PDCL2: variants seen among roughly 807,000 people sequenced by gnomAD.
The protein encoded by PDCL2 is phosducin-like protein 2.
Under a neutral mutation model 30.3 loss-of-function variants are expected in PDCL2, and 23 were observed. That is an observed-to-expected ratio of 0.76 (90% CI 0.55 to 1.08). PDCL2 has a LOEUF of 1.08. PDCL2 is among the 50% of genes least tolerant of loss of function. The pLI is 0.00. For synonymous variants in PDCL2, 68 were observed against 86.2 expected, an observed-to-expected ratio of 0.79 and a Z score of 1.17; for missense variants, 243 against 282.3, an observed-to-expected ratio of 0.86 and a Z score of 1.00.
Position 55,576,696 on chromosome 4 carries a change from C to T in PDCL2, c.218+4125G>A, listed in dbSNP as rs568034674. On this transcript the variant is annotated intron_variant, in intron 3 of 5. Transcript: ENST00000295645. ...ATGGTACACTAGAAAAATCAGCTAACTGTGAAAAGAAAGCAGTAATGGAAG... is the reference window on the plus strand; with the variant it reads ...ATGGTACACTAGAAAAATCAGCTAATTGTGAAAAGAAAGCAGTAATGGAAG... Among the ~76,000 whole-genome samples, 165 of 152,174 alleles carry T rather than the reference C, an allele frequency of 1.1e-3. 1 individual carries two copies. In the South Asian group the frequency reaches 0.017, roughly 16 times the overall value.
intron 4 of PDCL2, among the ~76,000 whole-genome samples, chr4:55,567,554 T>C (rs892175738): frequency 6.6e-6 from 1 of 152,000 alleles, no homozygotes; most frequent in Non-Finnish European, 1.5e-5. Context: ...AAAGAGAGAA[T>C]CACAACCTAC....
At chr4:55,580,583 T>C (rs1283121031) in intron 3 of PDCL2, among the ~76,000 whole-genome samples, 1 of 152,206 alleles carries the variant, frequency 6.6e-6, no homozygotes, top group Non-Finnish European at 1.5e-5. Flanking sequence ...GTATGTAGCT[T>C]GATGAAGTTA....
At chr4:55,575,143 T>A (rs1732530979) in intron 3 of PDCL2, among the ~76,000 whole-genome samples, 2 of 152,182 alleles carry the variant, frequency 1.3e-5, no homozygotes, top group Non-Finnish European at 1.5e-5. Flanking sequence ...AGAATTGAAA[T>A]GAATTGTAGA....
chr4:55,587,627 C>T (rs1236399030), intron 1 of PDCL2, among the ~76,000 whole-genome samples: 2 of 151,244 alleles, frequency 1.3e-5, no homozygotes, highest in Admixed American at 6.6e-5. Context: ...GGAGCAATCT[C>T]GGCTCACTGA....
intron 3 of PDCL2, among the ~76,000 whole-genome samples, chr4:55,576,009 G>C (rs910139349): frequency 6.6e-6 from 1 of 152,064 alleles, no homozygotes; most frequent in Non-Finnish European, 1.5e-5. Flanking sequence ...ACATGGTGAA[G>C]TTAACTACAT....
intron 5 of PDCL2, among the ~76,000 whole-genome samples, chr4:55,557,853 C>T (rs755409251): frequency 6.0e-5 from 9 of 151,036 alleles, no homozygotes; most frequent in Non-Finnish European, 1.0e-4. Flanking sequence ...CACCTGTAAT[C>T]GCAGCACTTC....
chr4:55,592,222 G>T lies in PDCL2; in HGVS notation c.-113C>A. The T allele has an allele frequency of 6.8e-7, 1 of 1,477,780 alleles. No individual in the cohort carries two copies. The highest frequency in any genetic ancestry group is 9.2e-7 in the Non-Finnish European group (1 of 1,088,702). The allele number at this position is 1,477,780 out of a possible 1,614,324, so 91.5% of individuals were successfully genotyped here. On this transcript the variant is annotated 5_prime_UTR_variant, in exon 1 of 6. Coordinates refer to ENST00000295645, the MANE Select transcript of PDCL2 (RefSeq NM_152401.3). Reference sequence around the variant, plus strand: ...GAAGAGCGCCCGCTTCAGGCCCGGCGGTTTCGAGTGACCGCCAGAAGAGGG... The same window carrying T: ...GAAGAGCGCCCGCTTCAGGCCCGGCTGTTTCGAGTGACCGCCAGAAGAGGG...
At chr4:55,570,403 A>G (rs1732390866) in intron 3 of PDCL2, among the ~76,000 whole-genome samples, 2 of 152,208 alleles carry the variant, frequency 1.3e-5, no homozygotes, top group South Asian at 2.1e-4. Flanking sequence ...ATATAGATTT[A>G]TTATAGACAG....
Position 55,584,381 on chromosome 4 carries a change from C to T in PDCL2, c.7-2144G>A, listed in dbSNP as rs201083348. Among the ~76,000 whole-genome samples the T allele has an allele frequency of 3.2e-4, 48 of 152,110 alleles. 1 individual carries two copies. In the East Asian group the frequency reaches 4.6e-3, roughly 15 times the overall value. On this transcript the variant is annotated intron_variant, in intron 1 of 5. Coordinates refer to ENST00000295645, the MANE Select transcript of PDCL2 (RefSeq NM_152401.3). ...AAGTGATTCTCCTGCCTCAGCCTCC[C>T]GAGTAGCTGGGACTACAGGTGCCTA...
intron 1 of PDCL2, among the ~76,000 whole-genome samples, chr4:55,589,351 C>T (rs952692833): frequency 2.0e-5 from 3 of 152,274 alleles, no homozygotes; most frequent in African/African-American, 7.2e-5. Flanking sequence ...AGACATCTTC[C>T]TCTACAGAGG....
intron 4 of PDCL2, among the ~76,000 whole-genome samples, chr4:55,568,213 T>C (rs564670209): frequency 1.3e-5 from 2 of 152,296 alleles, no homozygotes; most frequent in East Asian, 1.9e-4. Flanking sequence ...GTTCCTAGAA[T>C]GGTTTATAGC....
At chr4:55,579,231 TTCA>T (rs1335011375) in intron 3 of PDCL2, among the ~76,000 whole-genome samples, 2 of 152,206 alleles carry the variant, frequency 1.3e-5, no homozygotes, top group African/African-American at 4.8e-5. Flanking sequence ...ATGCTTCATA[TTCA>T]TATTATACTT....
chr4:55,581,313 G>A (rs1018193986), intron 2 of PDCL2, among the ~76,000 whole-genome samples: 8 of 151,620 alleles, frequency 5.3e-5, no homozygotes, highest in Non-Finnish European at 1.0e-4. Context: ...AAACAAAAAA[G>A]AGTATCTTTA....
intron 1 of PDCL2, among the ~76,000 whole-genome samples, chr4:55,589,111 G>A (rs112415389): frequency 3.9e-5 from 6 of 152,016 alleles, no homozygotes; most frequent in Non-Finnish European, 8.8e-5. Context: ...CGCCCACCTC[G>A]GCCTCCCAAA....
chr4:55,592,079 T>G, intron 1 of PDCL2, 25 bp downstream of exon 1: 1 of 1,608,846 alleles, frequency 6.2e-7, no homozygotes, highest in Non-Finnish European at 8.5e-7. Flanking sequence ...TGTTCCAGGG[T>G]GGCTCGGCAG....
intron 3 of PDCL2, among the ~76,000 whole-genome samples, chr4:55,580,188 T>C (rs2130035): frequency 0.98 from 149,750 of 152,320 alleles, 73,662 homozygotes; most frequent in East Asian, 1. Flanking sequence ...ATTCCTGCAA[T>C]CAATACTACT....
At chr4:55,569,666 ATG>A (rs1333196022) in intron 4 of PDCL2, 50 bp downstream of exon 4, 1 of 1,383,340 alleles carries the variant, frequency 7.2e-7, no homozygotes, top group East Asian at 2.5e-5. Context: ...AACCAAAAAT[ATG>A]TCTTTTAAAA....
At position 55,584,189 on chromosome 4, in the gene PDCL2, T is replaced by A. The variant is rs184315327; in HGVS notation, c.7-1952A>T. ...ATTATAAATGGGATTATTTTCTTGATTTCTTTCTCTGATAGTTCATTGTTA... is the reference window on the plus strand; with the variant it reads ...ATTATAAATGGGATTATTTTCTTGAATTCTTTCTCTGATAGTTCATTGTTA... On this transcript the variant is annotated intron_variant, in intron 1 of 5. Coordinates refer to ENST00000295645, the MANE Select transcript of PDCL2 (RefSeq NM_152401.3). Among the ~76,000 whole-genome samples, 500 of 152,326 alleles carry A rather than the reference T, an allele frequency of 3.3e-3. 1 individual carries two copies. The highest frequency in any genetic ancestry group is 3.5e-3 in the Non-Finnish European group (238 of 68,030).
chr4:55,557,181 A>G (rs777188401), intron 5 of PDCL2, among the ~76,000 whole-genome samples: 1 of 152,230 alleles, frequency 6.6e-6, no homozygotes, highest in Non-Finnish European at 1.5e-5. Context: ...GTGCTACAAT[A>G]TCAAAATACA....
Sources: allele counts gnomAD v4.1 joint callset (sites outside exome capture counted in the v4.1 genomes callset), GRCh38; gene constraint gnomAD v4.1.1; transcripts MANE v1.5; gene names NCBI Gene and HGNC (gene_info 2026-07-23, HGNC 2026-07-21).